The following CHST11 variants were observed in gnomAD, a reference collection of about 807,000 sequenced individuals.
CHST11 encodes carbohydrate sulfotransferase 11.
Under a neutral mutation model 30.4 loss-of-function variants are expected in CHST11, and 9 were observed. That is an observed-to-expected ratio of 0.30 (90% CI 0.18 to 0.52). CHST11 has a LOEUF of 0.52. Ranked by LOEUF, CHST11 falls within the 20% of genes least tolerant of loss-of-function variation. CHST11 has a pLI of 0.97. For missense variants in CHST11, 348 were observed against 460.6 expected, an observed-to-expected ratio of 0.76 and a Z score of 2.24; for synonymous variants, 152 against 187.8, an observed-to-expected ratio of 0.81 and a Z score of 1.56.
chr12:104,677,460 T>A (rs2039753214), intron 2 of CHST11, among the ~76,000 whole-genome samples: 1 of 152,204 alleles, frequency 6.6e-6, no homozygotes, highest in African/African-American at 2.4e-5. Flanking sequence ...ATGCTGCAGA[T>A]CAAGGCAGTC....
chr12:104,544,125 TAAAAAAAAAA>T (rs60776273), intron 1 of CHST11, among the ~76,000 whole-genome samples: 3 of 97,390 alleles, frequency 3.1e-5, no homozygotes, highest in African/African-American at 1.3e-4. Flanking sequence ...CCCTGTCTGT[TAAAAAAAAAA>T]AAAAAAGAAA....
At chr12:104,493,610 C>T (rs1479061927) in intron 1 of CHST11, among the ~76,000 whole-genome samples, 1 of 152,170 alleles carries the variant, frequency 6.6e-6, no homozygotes, top group Non-Finnish European at 1.5e-5. Context: ...GGCCTGAAGG[C>T]GTTCCATCAA....
chr12:104,494,134 A>G (rs1187700829), intron 1 of CHST11, among the ~76,000 whole-genome samples: 3 of 152,162 alleles, frequency 2.0e-5, no homozygotes, highest in Admixed American at 6.5e-5. Context: ...GTGAAGCCAC[A>G]TTCCTGGCCC....
intron 2 of CHST11, among the ~76,000 whole-genome samples, chr12:104,755,613 C>G (rs949366910): frequency 6.6e-6 from 1 of 152,070 alleles, no homozygotes; most frequent in African/African-American, 2.4e-5. Flanking sequence ...TAGTGAAACC[C>G]CGTCTCTACT....
intron 2 of CHST11, among the ~76,000 whole-genome samples, chr12:104,723,329 A>G (rs1371769724): frequency 6.6e-6 from 1 of 152,194 alleles, no homozygotes; most frequent in Non-Finnish European, 1.5e-5. Context: ...CAGCAAGTAC[A>G]CACACAACAT....
At chr12:104,661,402 T>C (rs966336709) in intron 2 of CHST11, among the ~76,000 whole-genome samples, 8 of 151,898 alleles carry the variant, frequency 5.3e-5, no homozygotes, top group African/African-American at 1.9e-4. Flanking sequence ...CTACTACTAC[T>C]ACTAATAATA....
intron 2 of CHST11, among the ~76,000 whole-genome samples, chr12:104,734,032 T>C (rs2136134388): frequency 6.6e-6 from 1 of 152,320 alleles, no homozygotes; most frequent in Admixed American, 6.5e-5. Flanking sequence ...TCTCTGTAGC[T>C]TTTGGCTGGG....
At position 104,714,871 on chromosome 12, in the gene CHST11, C is replaced by A. The variant is rs150945977; in HGVS notation, c.205-42078C>A. Among the ~76,000 whole-genome samples the A allele has an allele frequency of 5.1e-3, 778 of 152,224 alleles. 9 individuals are homozygous for A. Among genetic ancestry groups the A allele is most frequent in the African/African-American group, 0.018 (747 of 41,510 alleles). On this transcript the variant is annotated intron_variant, in intron 2 of 2. Coordinates refer to ENST00000303694, the MANE Select transcript of CHST11 (RefSeq NM_018413.6). ...GTAAAATGAGAATGATAACAGTATCCTAGAGTACTCAGTTTCAAAGACCAT... is the reference window on the plus strand; with the variant it reads ...GTAAAATGAGAATGATAACAGTATCATAGAGTACTCAGTTTCAAAGACCAT...
intron 2 of CHST11, among the ~76,000 whole-genome samples, chr12:104,691,874 C>T (rs879325147): frequency 1.3e-5 from 2 of 152,112 alleles, no homozygotes; most frequent in African/African-American, 4.8e-5. Context: ...GCAGACCAGA[C>T]GAATTCCGAG....
chr12:104,714,570 T>C (rs377261758), intron 2 of CHST11, among the ~76,000 whole-genome samples: 4 of 130,924 alleles, frequency 3.1e-5, no homozygotes, highest in Admixed American at 7.3e-5. Flanking sequence ...ATGATGATGA[T>C]GATGATGGTG....
intron 2 of CHST11, among the ~76,000 whole-genome samples, chr12:104,622,238 C>A (rs540930723): frequency 6.6e-6 from 1 of 152,180 alleles, no homozygotes; most frequent in African/African-American, 2.4e-5. Flanking sequence ...CATAAGAACT[C>A]TTTGACAACC....
chr12:104,655,935 A>G (rs906165701), intron 2 of CHST11, among the ~76,000 whole-genome samples: 8 of 152,204 alleles, frequency 5.3e-5, no homozygotes, highest in African/African-American at 1.7e-4. Context: ...GCAGAGCTGA[A>G]GTCTCTATGA....
At chr12:104,670,379 C>A (rs529634835) in intron 2 of CHST11, among the ~76,000 whole-genome samples, 3 of 152,098 alleles carry the variant, frequency 2.0e-5, no homozygotes, top group Admixed American at 6.6e-5. Context: ...CTATTCCAGA[C>A]CGTCCATGAA....
chr12:104,584,269 T>TTA (rs1484721536), intron 1 of CHST11, among the ~76,000 whole-genome samples: 3 of 150,834 alleles, frequency 2.0e-5, no homozygotes, highest in Non-Finnish European at 4.4e-5. Context: ...TTCTTTTTTT[T>TTA]TTTTTTTCAC....
intron 1 of CHST11, among the ~76,000 whole-genome samples, chr12:104,573,247 A>G (rs1097134): frequency 0.86 from 130,066 of 151,740 alleles, 56,249 homozygotes; most frequent in East Asian, 1. Flanking sequence ...ATGCTCATGG[A>G]TAGGAAGAAT....
chr12:104,714,839 C>T (rs1183316695), intron 2 of CHST11, among the ~76,000 whole-genome samples: 1 of 152,200 alleles, frequency 6.6e-6, no homozygotes, highest in Admixed American at 6.5e-5. Context: ...CCTCAGTTTC[C>T]TCATCTGTAA....
At chr12:104,529,253 C>G (rs1166431685) in intron 1 of CHST11, among the ~76,000 whole-genome samples, 1 of 152,172 alleles carries the variant, frequency 6.6e-6, no homozygotes, top group African/African-American at 2.4e-5. Flanking sequence ...TTATTAGATT[C>G]CTTCCTTGGT....
At chr12:104,542,168 A>G (rs985529346) in intron 1 of CHST11, among the ~76,000 whole-genome samples, 2 of 152,216 alleles carry the variant, frequency 1.3e-5, no homozygotes, top group Non-Finnish European at 1.5e-5. Context: ...AAATAATCCA[A>G]TTTAGCCACT....
intron 2 of CHST11, among the ~76,000 whole-genome samples, chr12:104,643,097 G>A (rs2136076033): frequency 6.6e-6 from 1 of 152,320 alleles, no homozygotes; most frequent in Non-Finnish European, 1.5e-5. Context: ...GCTGAGGCGG[G>A]AGGATCACTC....
Sources: gnomAD v4.1 joint callset for allele counts (sites outside exome capture counted in the v4.1 genomes callset) on GRCh38, gnomAD v4.1.1 for gene constraint, MANE v1.5 for transcripts, NCBI Gene and HGNC (gene_info 2026-07-23, HGNC 2026-07-21) for gene names.